COG3: variants seen among roughly 807,000 people sequenced by gnomAD.
The protein encoded by COG3 is component of oligomeric golgi complex 3, also known as conserved oligomeric Golgi complex subunit 3.
In COG3, 32 loss-of-function variants were observed where a neutral mutation model predicts 114.1. The observed-to-expected ratio is 0.28, with a 90% CI of 0.21 to 0.38. COG3 has a LOEUF of 0.38. Among genes scored for constraint, COG3 ranks in the 10% least tolerant of loss-of-function variants. The probability of loss-of-function intolerance (pLI) is 1.00; values close to 1 mark genes in which losing one functional copy is unlikely to be tolerated. For missense variants in COG3, 813 were observed against 973.2 expected (o/e 0.84, Z 2.19); for synonymous variants, 352 against 365.7 (o/e 0.96, Z 0.43).
rs558112114 is a variant in COG3 at position 45,474,188 on chromosome 13, C to T, written c.175-2013C>T. On this transcript the variant is annotated intron_variant, in intron 1 of 22. Coordinates refer to ENST00000349995, the MANE Select transcript of COG3 (RefSeq NM_031431.4). ...TTTTTTTTTTTTTGAGATGGAGTCT[C>T]GCTCTGTCGCCCAGGCTGGAGTGCA... 3.6e-3 allele frequency among the ~76,000 whole-genome samples: 420 copies of T among 116,696 alleles called. 4 individuals are homozygous for T. The Middle Eastern group carries it at 0.05, about 14-fold the overall frequency. The allele number at this position is 116,696 out of a possible 152,430, so 76.6% of individuals were successfully genotyped here. A position where few individuals can be genotyped will look rare whatever the true frequency, so the allele number is the denominator to read the frequency against.
rs554018819 is a variant in COG3, at chr13:45,515,846, T to C, written c.1810-297T>C. Among the ~76,000 whole-genome samples the C allele has an allele frequency of 2.6e-5, 4 of 152,340 alleles. No individual in the cohort carries two copies. The East Asian group carries it at 5.8e-4, about 22-fold the overall frequency. ...CACAGTTAGGCTGCATCATCTCTTC[T>C]ACCTCTGCACCAGGTGAAAGTAGAT... On this transcript the variant is annotated intron_variant, in intron 16 of 22. Coordinates refer to ENST00000349995, the MANE Select transcript of COG3 (RefSeq NM_031431.4).
chr13:45,482,543 G>A, intron 6 of COG3, 70 bp downstream of exon 6: 1 of 730,130 alleles, frequency 1.4e-6, no homozygotes, highest in Non-Finnish European at 2.3e-6. Flanking sequence ...ATCTTTTTGT[G>A]TTTTTCAACT....
At chr13:45,529,411 T>G (rs1053065103) in intron 20 of COG3, among the ~76,000 whole-genome samples, 2 of 152,180 alleles carry the variant, frequency 1.3e-5, no homozygotes, top group African/African-American at 4.8e-5. Context: ...TTTCTGCAAA[T>G]GAACAAACTC....
rs140530792 is a variant in COG3 at position 45,534,166 on chromosome 13, C to T, written c.2458-536C>T. On this transcript the variant is annotated intron_variant, in intron 22 of 22. Coordinates refer to ENST00000349995, the MANE Select transcript of COG3 (RefSeq NM_031431.4). ...TTCACTTGTCATGTCTGTTCTTGTG[C>T]GTTTTAAAAAGTCACTTAAAGGACA... 7.9e-3 allele frequency among the ~76,000 whole-genome samples: 1,208 copies of T among 152,276 alleles called. 19 individuals carry two copies. Among genetic ancestry groups the T allele is most frequent in the African/African-American group, 0.027 (1,132 of 41,550 alleles).
intron 7 of COG3, among the ~76,000 whole-genome samples, chr13:45,484,664 G>A (rs1218082910): frequency 1.0e-4 from 15 of 144,868 alleles, no homozygotes; most frequent in African/African-American, 3.8e-4. Flanking sequence ...ATTTGGCAGG[G>A]TCATGGGACA....
At chr13:45,524,859 T>C (rs3014966) in intron 19 of COG3, 117 bp from the exon 20 acceptor site, 426,625 of 581,884 alleles carry the variant, frequency 0.73, 158,709 homozygotes, top group Middle Eastern at 0.85. Context: ...CATTGTGTTT[T>C]AATAGGTTTA....
intron 14 of COG3, among the ~76,000 whole-genome samples, chr13:45,507,488 G>A (rs1416521176): frequency 1.3e-5 from 2 of 152,174 alleles, no homozygotes; most frequent in African/African-American, 2.4e-5. Flanking sequence ...GTACTGGCCA[G>A]GCACGGTGGC....
intron 22 of COG3, among the ~76,000 whole-genome samples, chr13:45,532,431 TTTCCAAGTCAGAA>T (rs1157590800): frequency 2.0e-5 from 3 of 152,104 alleles, no homozygotes; most frequent in African/African-American, 4.8e-5. Flanking sequence ...ACTTGCATGG[TTTCCAAGTCAGAA>T]TTACAGAACA....
chr13:45,519,165 C>A, intron 19 of COG3, 71 bp downstream of exon 19: 1 of 1,513,984 alleles, frequency 6.6e-7, no homozygotes, highest in Non-Finnish European at 9.1e-7. Context: ...GAATTACTCT[C>A]TTGTGTAAAC....
chr13:45,491,036 A>G (rs1415484057), intron 9 of COG3, 78 bp downstream of exon 9: 2 of 951,392 alleles, frequency 2.1e-6, no homozygotes, highest in Admixed American at 2.2e-5. Flanking sequence ...TGGATCTCTG[A>G]TATTTTATGA....
At position 45,509,704 on chromosome 13, in the gene COG3, C is replaced by G. The variant is rs188701760; in HGVS notation, c.1607C>G (p.Ser536Cys). Residue 536 changes from serine to cysteine, a missense_variant, in exon 15 of 23, where the codon TCC becomes TGC. Transcript: ENST00000349995. ...NSLTKSGSTESLNPRPQTTIS... is the reference protein window; with the variant it reads ...NSLTKSGSTECLNPRPQTTIS... Reference sequence around the variant, plus strand: ...ACTTGGGTTTTAGGTTCAACAGAATCCCTCAATCCTAGACCACAGACCACA... The same window carrying G: ...ACTTGGGTTTTAGGTTCAACAGAATGCCTCAATCCTAGACCACAGACCACA... The G allele has an allele frequency of 6.2e-7, 1 of 1,613,650 alleles. No homozygotes were observed. Among genetic ancestry groups the G allele is most frequent in the Non-Finnish European group, 8.5e-7 (1 of 1,179,764 alleles).
chr13:45,528,235 G>A (rs1379703112), intron 20 of COG3, among the ~76,000 whole-genome samples: 1 of 152,134 alleles, frequency 6.6e-6, no homozygotes, highest in Admixed American at 6.5e-5. Context: ...ATATAAACAA[G>A]CATTGATCTA....
At chr13:45,503,738 A>G (rs576256609) in intron 14 of COG3, among the ~76,000 whole-genome samples, 1 of 152,206 alleles carries the variant, frequency 6.6e-6, no homozygotes, top group Admixed American at 6.5e-5. Flanking sequence ...AACCATGGCT[A>G]TTTTGCATAA....
In COG3 at chr13:45,465,065, C is replaced by G; in HGVS notation, c.29C>G (p.Pro10Arg). The change falls in exon 1 of 23, where the codon CCT (proline) becomes CGT (arginine). Residue 10 changes from proline (P) to arginine (R), a missense_variant. By Grantham distance (103) the Pro-to-Arg change is moderately radical (BLOSUM62 -2). This residue lies in a region of COG3 where 424 missense variants were observed against 430.6 expected (regional missense o/e 0.98). Transcript: ENST00000349995. MAEAALLLL[P>R]EAAAERDARE... ...GCGGAGGCGGCGCTGTTGCTGCTGC[C>G]TGAGGCGGCGGCGGAGCGGGACGCT... 3 of 1,594,666 alleles carry G rather than the reference C, an allele frequency of 1.9e-6. No individual in the cohort carries two copies. Among genetic ancestry groups the G allele is most frequent in the Admixed American group, 1.8e-5 (1 of 56,846 alleles).
intron 14 of COG3, among the ~76,000 whole-genome samples, chr13:45,507,953 C>T (rs1388961163): frequency 6.6e-6 from 1 of 150,864 alleles, no homozygotes; most frequent in Non-Finnish European, 1.5e-5. Flanking sequence ...CCTGTGATCC[C>T]AGCTACTCAG....
chr13:45,489,299 A>G (rs947217232), intron 8 of COG3, among the ~76,000 whole-genome samples: 1 of 139,130 alleles, frequency 7.2e-6, no homozygotes, highest in Non-Finnish European at 1.6e-5. Flanking sequence ...GTTTAAAGGA[A>G]TTTTTTTTTT....
intron 7 of COG3, among the ~76,000 whole-genome samples, 170 bp from the exon 8 acceptor site, chr13:45,486,325 C>CGGAGAGGGAGAGGGAGAGGGAGA (rs1886653519): frequency 3.6e-5 from 1 of 27,934 alleles, no homozygotes; most frequent in African/African-American, 1.6e-4. Flanking sequence ...AGACGGGAGA[C>CGGAGAGGGAGAGGGAGAGGGAGA]GGGAGACGGG....
intron 2 of COG3, among the ~76,000 whole-genome samples, 163 bp downstream of exon 2, chr13:45,476,510 T>C (rs949313334): frequency 5.3e-5 from 8 of 152,262 alleles, no homozygotes; most frequent in Non-Finnish European, 1.2e-4. Context: ...GTTTACGTGT[T>C]TTAAATGAAT....
chr13:45,519,263 T>C (rs540469794), intron 19 of COG3, among the ~76,000 whole-genome samples, 169 bp downstream of exon 19: 5 of 152,362 alleles, frequency 3.3e-5, no homozygotes, highest in Non-Finnish European at 4.4e-5. Context: ...TTCTGGTTTA[T>C]GGACTTTTAG....
Sources: gnomAD v4.1 joint callset for allele counts (sites outside exome capture counted in the v4.1 genomes callset) on GRCh38, gnomAD v4.1.1 for gene constraint, gnomAD v4.1.1 regional missense constraint, MANE v1.5 for transcripts, NCBI Gene and HGNC (gene_info 2026-07-23, HGNC 2026-07-21) for gene names.